HMCN2: variants seen among roughly 807,000 people sequenced by gnomAD.
The protein encoded by HMCN2 is hemicentin 2, also known as hemicentin-2.
In HMCN2, 325 loss-of-function variants were observed where a neutral mutation model predicts 377.5. The observed-to-expected ratio is 0.86, with a 90% CI of 0.79 to 0.94. The LOEUF is 0.94. Among genes scored for constraint, HMCN2 ranks in the 40% least tolerant of loss-of-function variants. The pLI is 0.00. For synonymous variants in HMCN2, 2,007 were observed against 2,046.8 expected (o/e 0.98, Z 0.53); for missense variants, 4,543 against 4,725.3 (o/e 0.96, Z 1.13).
chr9:130,311,677 C>G (rs1302736670), intron 15 of HMCN2, among the ~76,000 whole-genome samples: 1 of 152,112 alleles, frequency 6.6e-6, no homozygotes. Flanking sequence ...AGAAAGATGA[C>G]GAGCTGGGGA....
Position 130,431,412 on chromosome 9 carries a change from G to A in HMCN2, c.14693G>A (p.Arg4898His), listed in dbSNP as rs544845693. The A allele has an allele frequency of 1.1e-5, 17 of 1,550,174 alleles. No homozygotes were observed. Among genetic ancestry groups the A allele is most frequent in the East Asian group, 2.4e-5 (1 of 40,910 alleles). ...AGGAACCTGTGTCAGCACGCCTGCC[G>A]CAACACTGAGGGCAGCTACCAGTGC... is the stretch of plus-strand genomic sequence containing the variant. ...RVRNLCQHACRNTEGSYQCLC... is the reference protein window; with the variant it reads ...RVRNLCQHACHNTEGSYQCLC... The change falls in exon 96 of 98, where the codon CGC (arginine) becomes CAC (histidine). Residue 4898 changes from arginine (R) to histidine (H), a missense_variant. Physicochemically the swap from Arg to His is conservative, Grantham distance 29. This residue lies in a region of HMCN2 where 1,155 missense variants were observed against 1,157.7 expected (regional missense o/e 1.00). Transcript: ENST00000683500.
chr9:130,356,893 A>G (rs1027559207), intron 34 of HMCN2, among the ~76,000 whole-genome samples: 1 of 152,066 alleles, frequency 6.6e-6, no homozygotes, highest in African/African-American at 2.4e-5. Flanking sequence ...TGGATAGATC[A>G]GTGGGTGGGT....
At chr9:130,429,384 C>T in intron 93 of HMCN2, 173 bp from the exon 94 acceptor site, 1 of 763,886 alleles carries the variant, frequency 1.3e-6, no homozygotes, top group Non-Finnish European at 2.1e-6. Context: ...CTGTTGACCT[C>T]CAACCTGGTA....
chr9:130,271,317 A>G (rs1834394149), intron 1 of HMCN2, among the ~76,000 whole-genome samples: 2 of 148,918 alleles, frequency 1.3e-5, no homozygotes, highest in South Asian at 4.4e-4. Context: ...GCGGGGAGCC[A>G]TGATCCACGT....
chr9:130,366,674 G>A (rs1400835672), intron 43 of HMCN2, among the ~76,000 whole-genome samples: 1 of 151,746 alleles, frequency 6.6e-6, no homozygotes. Flanking sequence ...GGCTGGTCTC[G>A]AACTCCTGAC....
chr9:130,305,068 C>G, intron 11 of HMCN2, 66 bp downstream of exon 11: 1 of 433,958 alleles, frequency 2.3e-6, no homozygotes, highest in South Asian at 1.7e-5. Flanking sequence ...ACCCCAGAAG[C>G]CGCGAGTCCT....
At chr9:130,398,495 A>C (rs1842716816) in intron 74 of HMCN2, 56 bp from the exon 75 acceptor site, 1 of 992,796 alleles carries the variant, frequency 1.0e-6, no homozygotes, top group Admixed American at 3.8e-5. Flanking sequence ...AGCCTCAGAG[A>C]GCCCCCAGCC....
intron 53 of HMCN2, 40 bp downstream of exon 53, chr9:130,377,839 G>T: frequency 1.0e-6 from 1 of 985,728 alleles, no homozygotes; most frequent in Non-Finnish European, 1.2e-6. Context: ...GCGTCAGCCA[G>T]TGTGAGGACA....
At chr9:130,343,220 C>T (rs1228211862) in intron 25 of HMCN2, among the ~76,000 whole-genome samples, 3 of 152,154 alleles carry the variant, frequency 2.0e-5, no homozygotes, top group Admixed American at 6.5e-5. Flanking sequence ...CTTCTTTCGG[C>T]GTTGGGCTCC....
At chr9:130,412,553 TTTTC>T (rs1379313379) in intron 85 of HMCN2, among the ~76,000 whole-genome samples, 1 of 133,904 alleles carries the variant, frequency 7.5e-6, no homozygotes, top group African/African-American at 2.7e-5. Context: ...TTTTCTTTTC[TTTTC>T]TTTCTTTCTC....
intron 54 of HMCN2, among the ~76,000 whole-genome samples, chr9:130,379,885 T>TA (rs1391901487): frequency 6.6e-6 from 1 of 152,240 alleles, no homozygotes; most frequent in Non-Finnish European, 1.5e-5. Flanking sequence ...TTTCTATTTT[T>TA]ATTTTTTGGG....
In HMCN2 at chr9:130,379,272, G is replaced by A; in HGVS notation, c.8236G>A (p.Gly2746Ser). The change falls in exon 54 of 98, where the codon GGT (glycine) becomes AGT (serine). Residue 2746 changes from glycine (G) to serine (S), a missense_variant. Coordinates refer to ENST00000683500, the MANE Select transcript of HMCN2 (RefSeq NM_001291815.2). ...AGTGCCCCCCATGTTCCAGAAGGTG[G>A]GTGATTTCAGTGCAGCCTTCGAGAT... is the stretch of plus-strand genomic sequence containing the variant. ...IQVPPMFQKV[G>S]DFSAAFEILS... is the part of the protein sequence containing the mutation. 1.0e-6 allele frequency: 1 copy of A among 985,796 alleles called. No homozygotes were observed. The allele number at this position is 985,796 out of a possible 1,614,324, so 61.1% of individuals were successfully genotyped here. A position where few individuals can be genotyped will look rare whatever the true frequency, so the allele number is the denominator to read the frequency against.
In HMCN2 at chr9:130,418,829, T is replaced by G; in HGVS notation, c.13019T>G (p.Val4340Gly). 1 of 1,534,840 alleles carries G rather than the reference T, an allele frequency of 6.5e-7. No homozygotes were observed. The stretch of plus-strand genomic sequence containing the variant: ...ATGACAGTGAGATCTGGGGATGACG[T>G]GGCCCTGCGGTGCCAGGCCACTGGA... ...QDMTVRSGDD[V>G]ALRCQATGEP... The change falls in exon 86 of 98, where the codon GTG becomes GGG. Residue 4340 changes from valine to glycine, a missense_variant. Around this residue, in one of 5 missense-constraint regions of HMCN2, gnomAD observed 1,155 missense variants for 1,157.7 expected, o/e 1.00. Coordinates refer to ENST00000683500, the MANE Select transcript of HMCN2 (RefSeq NM_001291815.2).
chr9:130,355,707 G>A (rs1839988318), intron 32 of HMCN2, 39 bp from the exon 33 acceptor site: 1 of 1,214,480 alleles, frequency 8.2e-7, no homozygotes. Context: ...GCCAGTGGCT[G>A]CTCAGCTCCA....
rs79635275 is a variant in HMCN2, at chr9:130,297,163, A to G, written c.1012+369A>G. Among the ~76,000 whole-genome samples the G allele has an allele frequency of 4.6e-3, 702 of 152,316 alleles. 6 individuals carry two copies. Among genetic ancestry groups the G allele is most frequent in the African/African-American group, 0.016 (662 of 41,580 alleles). ...TAGAGTCCTACTTCTTCAGTTTTCCAGTGAACAGCAGGCTAGTTCAATGAA... is the reference window on the plus strand; with the variant it reads ...TAGAGTCCTACTTCTTCAGTTTTCCGGTGAACAGCAGGCTAGTTCAATGAA... On this transcript the variant is annotated intron_variant, in intron 7 of 97. Coordinates refer to ENST00000683500, the MANE Select transcript of HMCN2 (RefSeq NM_001291815.2).
rs1405428742 is a variant in HMCN2, at chr9:130,369,691, G to T, written c.6909G>T (p.Arg2303=). 1.0e-6 allele frequency: 1 copy of T among 986,028 alleles called. No homozygotes were observed. Among genetic ancestry groups the T allele is most frequent in the East Asian group, 1.1e-4 (1 of 8,820 alleles). The allele number at this position is 986,028 out of a possible 1,614,324, so 61.1% of individuals were successfully genotyped here. A position where few individuals can be genotyped will look rare whatever the true frequency, so the allele number is the denominator to read the frequency against. The part of the protein sequence containing the change: ...GKPPPTVTWE[R]DGQPVGAELG... ...CCCCTCCGACAGTGACATGGGAGCG[G>T]GACGGCCAGCCCGTGGGGGCTGAAC... The change falls in exon 45 of 98, where the codon CGG becomes CGT. Residue 2303 remains arginine, a synonymous_variant. Transcript: ENST00000683500. This position sits in a 1 kb window ranked among gnomAD's most constrained non-coding sequence, Gnocchi z 4.5.
chr9:130,355,105 G>A, intron 32 of HMCN2, 61 bp downstream of exon 32: 2 of 1,199,522 alleles, frequency 1.7e-6, no homozygotes, highest in Non-Finnish European at 2.1e-6. Flanking sequence ...CAGGCCTGCT[G>A]CGTGCTTGTC....
In HMCN2 at chr9:130,304,460, A is replaced by G. The variant is rs186542053; in HGVS notation, c.1544-270A>G. On this transcript the variant is annotated intron_variant, in intron 10 of 97. Coordinates refer to ENST00000683500, the MANE Select transcript of HMCN2 (RefSeq NM_001291815.2). This position sits in a 1 kb window ranked among gnomAD's most constrained non-coding sequence, Gnocchi z 4.3. ...AAGATGGGTGTCCGGCTTGTTGCAC[A>G]TTGCACTGGCTGTATTTTGGAGAGC... Among the ~76,000 whole-genome samples, 15 of 152,270 alleles carry G rather than the reference A, an allele frequency of 9.9e-5. No individual in the cohort carries two copies. The East Asian group carries it at 2.3e-3, about 24-fold the overall frequency.
Position 130,325,706 on chromosome 9 carries a change from A to G in HMCN2, c.3032A>G (p.Lys1011Arg), listed in dbSNP as rs1417169747. 1 of 152,242 alleles carries G rather than the reference A, an allele frequency of 6.6e-6. No homozygotes were observed. The highest frequency in any genetic ancestry group is 2.4e-5 in the African/African-American group (1 of 41,452). The allele number at this position is 152,242 out of a possible 1,614,324, so 9.4% of individuals were successfully genotyped here. A position where few individuals can be genotyped will look rare whatever the true frequency, so the allele number is the denominator to read the frequency against. The change falls in exon 20 of 98, where the codon AAG (lysine) becomes AGG (arginine). Residue 1011 changes from lysine to arginine, a missense_variant and splice_region_variant. By Grantham distance (26) the Lys-to-Arg change is conservative (BLOSUM62 2). Around this residue, in one of 5 missense-constraint regions of HMCN2, gnomAD observed 547 missense variants for 189.9 expected, o/e 2.88. Transcript: ENST00000683500. Reference sequence around the variant, plus strand: ...CCCGCCCCCACCATCACGTGGACCAAGGTAAGCAGTGCCTGTTACCGAGAG... The same window carrying G: ...CCCGCCCCCACCATCACGTGGACCAGGGTAAGCAGTGCCTGTTACCGAGAG... The part of the protein sequence containing the change: ...GVPAPTITWT[K>R]ETNALTSRGP...
Sources: allele counts gnomAD v4.1 joint callset (sites outside exome capture counted in the v4.1 genomes callset), GRCh38; gene constraint gnomAD v4.1.1; regional missense constraint gnomAD v4.1.1; non-coding constraint Gnocchi (gnomAD v3.1); transcripts MANE v1.5; gene names NCBI Gene and HGNC (gene_info 2026-07-23, HGNC 2026-07-21).